Variants in ITM2C observed in about 807,000 individuals in gnomAD.
The protein encoded by ITM2C is BRICHOS domain containing 2C.
ITM2C carries 20 observed loss-of-function variants against 30.0 expected under a neutral mutation model. The ratio of observed to expected loss-of-function variants is 0.67; its 90% CI spans 0.47 to 0.97. ITM2C has a LOEUF of 0.97. Among genes scored for constraint, ITM2C ranks in the 50% least tolerant of loss-of-function variants. The pLI is 0.00. For synonymous variants in ITM2C, 167 were observed against 156.4 expected (o/e 1.07, Z -0.51); for missense variants, 366 against 371.9 (o/e 0.98, Z 0.13).
chr2:230,868,530 C>T (rs774972811), intron 1 of ITM2C, among the ~76,000 whole-genome samples: 139 of 152,280 alleles, frequency 9.1e-4, no homozygotes, highest in Admixed American at 1.3e-3. Context: ...TAGAGGCTCA[C>T]GAGCTGGGGC....
intron 1 of ITM2C, among the ~76,000 whole-genome samples, chr2:230,867,304 C>G (rs890686308): frequency 6.6e-6 from 1 of 152,212 alleles, no homozygotes; most frequent in African/African-American, 2.4e-5. Context: ...CTGCCCATCA[C>G]CTGCTAGATT....
At chr2:230,871,497 G>A (rs920365369) in intron 1 of ITM2C, among the ~76,000 whole-genome samples, 2 of 152,264 alleles carry the variant, frequency 1.3e-5, no homozygotes, top group African/African-American at 4.8e-5. Context: ...AGGGCCCTGT[G>A]CACTGTGGCC....
rs143568581 is a variant in ITM2C, at chr2:230,874,973, G to C, written c.262-647G>C. Among the ~76,000 whole-genome samples, 100 of 152,324 alleles carry C rather than the reference G, an allele frequency of 6.6e-4. No homozygotes were observed. In the Middle Eastern group the frequency reaches 0.01, roughly 16 times the overall value. ...CCAGGAAGGGCGATGGCACTTGTCC[G>C]AGGCTGGATGTGGAGGTAACCGTGA... is the stretch of plus-strand genomic sequence containing the variant. On this transcript the variant is annotated intron_variant, in intron 2 of 5. Coordinates refer to ENST00000326427, the MANE Select transcript of ITM2C (RefSeq NM_030926.6).
At chr2:230,868,465 A>ACT (rs1164111622) in intron 1 of ITM2C, among the ~76,000 whole-genome samples, 1 of 149,576 alleles carries the variant, frequency 6.7e-6, no homozygotes, top group Non-Finnish European at 1.5e-5. Flanking sequence ...GCCTGCACTC[A>ACT]CACACACACA....
rs1285306809 is a variant in ITM2C, at chr2:230,865,194, G to C, written c.120+49G>C. 6 of 1,348,140 alleles carry C rather than the reference G, an allele frequency of 4.5e-6. No homozygotes were observed. Among genetic ancestry groups the C allele is most frequent in the South Asian group, 1.7e-5 (1 of 57,294 alleles). The allele number at this position is 1,348,140 out of a possible 1,614,324, so 83.5% of individuals were successfully genotyped here. ...GGTGGGGCGGGGGACCCAGGCTCACGACCCAGGCGCGCCCCGTCGGCCCTG... is the reference window on the plus strand; with the variant it reads ...GGTGGGGCGGGGGACCCAGGCTCACCACCCAGGCGCGCCCCGTCGGCCCTG... On this transcript the variant is annotated intron_variant, in intron 1 of 5. Transcript: ENST00000326427. This position sits in a 1 kb window ranked among gnomAD's most constrained non-coding sequence, Gnocchi z 6.8.
Position 230,875,724 on chromosome 2 carries a change from C to T in ITM2C, c.366C>T (p.Leu122=), listed in dbSNP as rs149190613. ...MELEEDVKIY[L]DENYERINVP... ...TGGAAGAGGATGTGAAAATCTACCT[C>T]GACGAGAACTACGAGCGCATCAACG... Residue 122 remains leucine (L), a synonymous_variant, in exon 3 of 6, where the codon CTC becomes CTT. Transcript: ENST00000326427. 2.0e-4 allele frequency: 318 copies of T among 1,613,552 alleles called. 3 individuals are homozygous for T. The highest frequency in any genetic ancestry group is 1.6e-4 in the Middle Eastern group (1 of 6,082).
At chr2:230,867,903 C>T (rs1415695734) in intron 1 of ITM2C, among the ~76,000 whole-genome samples, 1 of 152,214 alleles carries the variant, frequency 6.6e-6, no homozygotes, top group Admixed American at 6.5e-5. Context: ...AGGTGATCTT[C>T]CCACCTCAGC....
chr2:230,874,020 G>T (rs1697230794), intron 2 of ITM2C, among the ~76,000 whole-genome samples: 1 of 152,246 alleles, frequency 6.6e-6, no homozygotes, highest in African/African-American at 2.4e-5. Context: ...AGAAGCAGGA[G>T]TGTGTCCTTG....
intron 1 of ITM2C, among the ~76,000 whole-genome samples, chr2:230,868,894 A>G (rs565146880): frequency 6.6e-6 from 1 of 152,122 alleles, no homozygotes; most frequent in Non-Finnish European, 1.5e-5. Context: ...GGGGACTTTC[A>G]TGGCTGTCGT....
intron 3 of ITM2C, among the ~76,000 whole-genome samples, chr2:230,876,411 C>T (rs1697298720): frequency 6.6e-6 from 1 of 152,160 alleles, no homozygotes; most frequent in Non-Finnish European, 1.5e-5. Context: ...ATTGAGGAGT[C>T]TGGAGAGGAC....
At chr2:230,876,690 TC>T (rs1697306481) in intron 3 of ITM2C, among the ~76,000 whole-genome samples, 166 bp from the exon 4 acceptor site, 1 of 151,770 alleles carries the variant, frequency 6.6e-6, no homozygotes, top group Non-Finnish European at 1.5e-5. Flanking sequence ...ACCATGTTAG[TC>T]AGGATGGTCT....
At chr2:230,873,617 T>C (rs1697222284) in intron 2 of ITM2C, 60 bp downstream of exon 2, 1 of 1,493,248 alleles carries the variant, frequency 6.7e-7, no homozygotes. Flanking sequence ...TAGAGAGGCA[T>C]GGAGGGAAGT....
Position 230,875,641 on chromosome 2 carries a change from C to T in ITM2C, c.283C>T (p.Arg95Cys), listed in dbSNP as rs764555891. 15 of 1,607,074 alleles carry T rather than the reference C, an allele frequency of 9.3e-6. No homozygotes were observed. Among genetic ancestry groups the T allele is most frequent in the South Asian group, 2.2e-5 (2 of 89,956 alleles). The change falls in exon 3 of 6, where the codon CGC (arginine) becomes TGC (cysteine). Residue 95 changes from arginine to cysteine, a missense_variant. Arg to Cys is a radical substitution (Grantham distance 180). Coordinates refer to ENST00000326427, the MANE Select transcript of ITM2C (RefSeq NM_030926.6). The stretch of plus-strand genomic sequence containing the variant: ...TCAGCTGGCCCGAGATAACTTCTTC[C>T]GCTGTGGTGTGCTGTATGAGGACTC... The part of the protein sequence containing the change: ...LAQLARDNFF[R>C]CGVLYEDSLS...
intron 1 of ITM2C, among the ~76,000 whole-genome samples, chr2:230,872,711 TG>T (rs1375300547): frequency 6.6e-6 from 1 of 152,024 alleles, no homozygotes; most frequent in Admixed American, 6.5e-5. Context: ...TCGGTGCCTG[TG>T]GGGGGCCAGT....
At chr2:230,869,049 T>C (rs1396221732) in intron 1 of ITM2C, among the ~76,000 whole-genome samples, 1 of 152,208 alleles carries the variant, frequency 6.6e-6, no homozygotes, top group Non-Finnish European at 1.5e-5. Context: ...CCAGTGAGGA[T>C]GAGTTTCTCT....
At chr2:230,866,047 ACTGT>A (rs925429616) in intron 1 of ITM2C, among the ~76,000 whole-genome samples, 12 of 151,564 alleles carry the variant, frequency 7.9e-5, no homozygotes, top group African/African-American at 2.9e-4. Context: ...GCCGTGGAAA[ACTGT>A]CTGAGCTGCG....
intron 1 of ITM2C, among the ~76,000 whole-genome samples, chr2:230,866,285 C>G (rs1392626942): frequency 6.6e-6 from 1 of 152,238 alleles, no homozygotes; most frequent in Non-Finnish European, 1.5e-5. Flanking sequence ...TTCCCCACTT[C>G]CAGATGCAGG....
At chr2:230,866,067 T>C (rs1333018720) in intron 1 of ITM2C, among the ~76,000 whole-genome samples, 2 of 151,620 alleles carry the variant, frequency 1.3e-5, no homozygotes, top group African/African-American at 4.9e-5. Flanking sequence ...CTGCGTGCCT[T>C]GTGTCCGGGA....
At position 230,865,043 on chromosome 2, in the gene ITM2C, C is replaced by A; in HGVS notation, c.18C>A (p.Phe6Leu). The change falls in exon 1 of 6, where the codon TTC becomes TTA. Residue 6 changes from phenylalanine (F) to leucine (L), a missense_variant. Phe to Leu is a conservative substitution (Grantham distance 22, BLOSUM62 0). Transcript: ENST00000326427. The surrounding 1 kb of genome is among the most constrained non-coding windows in gnomAD (Gnocchi z 6.8). ...GCGCAGCCATGGTGAAGATTAGCTT[C>A]CAGCCCGCCGTGGCTGGCATCAAGG... is the stretch of plus-strand genomic sequence containing the variant. MVKIS[F>L]QPAVAGIKGD... is the part of the protein sequence containing the mutation. 6.6e-7 allele frequency: 1 copy of A among 1,523,350 alleles called. No homozygotes were observed. The highest frequency in any genetic ancestry group is 1.2e-5 in the South Asian group (1 of 81,450). 94.4% of individuals were successfully genotyped at this position (1,523,350 alleles called of 1,614,324 possible).
Sources: allele counts gnomAD v4.1 joint callset (sites outside exome capture counted in the v4.1 genomes callset), GRCh38; gene constraint gnomAD v4.1.1; non-coding constraint Gnocchi (gnomAD v3.1); transcripts MANE v1.5; gene names NCBI Gene and HGNC (gene_info 2026-07-23, HGNC 2026-07-21).